PRDM6: variants seen among roughly 807,000 people sequenced by gnomAD.
The protein encoded by PRDM6 is PR/SET domain 6, also known as putative histone-lysine N-methyltransferase PRDM6.
In PRDM6, 25 loss-of-function variants were observed where a neutral mutation model predicts 60.8. The ratio of observed to expected loss-of-function variants is 0.41; its 90% confidence interval spans 0.30 to 0.57. PRDM6 has a LOEUF of 0.57. Ranked by LOEUF, PRDM6 falls within the 20% of genes least tolerant of loss-of-function variation. The pLI is 0.27. For missense variants in PRDM6, 839 were observed against 821.3 expected, an observed-to-expected ratio of 1.02 and a Z score of -0.26; for synonymous variants, 407 against 357.4, an observed-to-expected ratio of 1.14 and a Z score of -1.57.
At chr5:123,119,555 C>T (rs904554989) in intron 3 of PRDM6, among the ~76,000 whole-genome samples, 4 of 152,152 alleles carry the variant, frequency 2.6e-5, no homozygotes, top group African/African-American at 9.7e-5. Context: ...GGCCCTGCCC[C>T]CTCTTGGAAT....
intron 2 of PRDM6, among the ~76,000 whole-genome samples, chr5:123,092,299 C>A (rs1763858735): frequency 6.6e-6 from 1 of 152,166 alleles, no homozygotes; most frequent in African/African-American, 2.4e-5. Flanking sequence ...AAAGGTATGT[C>A]TTACTGCTAA....
chr5:123,115,656 A>G (rs1409785652), intron 3 of PRDM6, among the ~76,000 whole-genome samples: 1 of 152,344 alleles, frequency 6.6e-6, no homozygotes, highest in East Asian at 1.9e-4. Flanking sequence ...TTAAATTCAT[A>G]GATGAAAGCA....
At chr5:123,148,719 T>C (rs994239386) in intron 3 of PRDM6, among the ~76,000 whole-genome samples, 1 of 152,202 alleles carries the variant, frequency 6.6e-6, no homozygotes, top group Non-Finnish European at 1.5e-5. Context: ...TCTCACTAAA[T>C]TGACATTTGT....
intron 7 of PRDM6, among the ~76,000 whole-genome samples, chr5:123,186,571 C>G (rs1269635443): frequency 6.6e-6 from 1 of 152,196 alleles, no homozygotes; most frequent in Admixed American, 6.5e-5. Flanking sequence ...AAAGCAGCGA[C>G]CACGCCTACT....
chr5:123,093,705 T>C (rs1195279817), intron 2 of PRDM6, among the ~76,000 whole-genome samples: 1 of 152,190 alleles, frequency 6.6e-6, no homozygotes, highest in African/African-American at 2.4e-5. Context: ...GCCATTGATT[T>C]AGTCAGGCTC....
chr5:123,096,922 A>T (rs1215524816), intron 2 of PRDM6, among the ~76,000 whole-genome samples: 1 of 152,034 alleles, frequency 6.6e-6, no homozygotes, highest in Non-Finnish European at 1.5e-5. Context: ...GATGTCGTTG[A>T]TGGGATGACA....
At chr5:123,145,501 A>T (rs757222693) in intron 3 of PRDM6, among the ~76,000 whole-genome samples, 8 of 152,164 alleles carry the variant, frequency 5.3e-5, no homozygotes, top group Non-Finnish European at 1.2e-4. Flanking sequence ...TTGGTGCCTC[A>T]TCTCTTGGAT....
intron 2 of PRDM6, among the ~76,000 whole-genome samples, chr5:123,093,643 C>G (rs1390424216): frequency 2.6e-5 from 4 of 152,152 alleles, no homozygotes; most frequent in Admixed American, 1.3e-4. Flanking sequence ...GGATGGGGCC[C>G]TTCCTTCCCC....
intron 4 of PRDM6, among the ~76,000 whole-genome samples, chr5:123,158,449 G>A (rs1023823375): frequency 1.3e-5 from 2 of 152,180 alleles, no homozygotes; most frequent in Non-Finnish European, 2.9e-5. Flanking sequence ...ATTCTGCTTA[G>A]CTAGCAGTGC....
chr5:123,136,063 A>G (rs1030732950), intron 3 of PRDM6, among the ~76,000 whole-genome samples: 5 of 152,136 alleles, frequency 3.3e-5, no homozygotes, highest in Non-Finnish European at 7.3e-5. Flanking sequence ...TGTTGGGCCA[A>G]CTCTCACTGT....
At chr5:123,091,310 C>T (rs1434338586) in intron 2 of PRDM6, among the ~76,000 whole-genome samples, 1 of 152,204 alleles carries the variant, frequency 6.6e-6, no homozygotes, top group African/African-American at 2.4e-5. Flanking sequence ...TTCCGCTGAT[C>T]CCGCTTTATC....
At chr5:123,180,865 C>G (rs1260907254) in intron 7 of PRDM6, among the ~76,000 whole-genome samples, 1 of 152,158 alleles carries the variant, frequency 6.6e-6, no homozygotes, top group East Asian at 1.9e-4. Context: ...ATACTTTGGA[C>G]TTTAGAATTA....
In PRDM6 at chr5:123,099,802, G is replaced by T. The variant is rs1764056491; in HGVS notation, c.741G>T (p.Glu247Asp). Residue 247 changes from glutamate to aspartate, a missense_variant, in exon 3 of 8, where the codon GAG becomes GAT. Physicochemically the swap from Glu to Asp is conservative, Grantham distance 45. This residue lies in a region of PRDM6 where 730 missense variants were observed against 648.8 expected (regional missense o/e 1.13). Transcript: ENST00000407847. This position sits in a 1 kb window ranked among gnomAD's most constrained non-coding sequence, Gnocchi z 4.0. ...LPEWLRDLPR[E>D]VCLCTSTVPG... is the part of the protein sequence containing the mutation. ...AGTGGCTGCGGGACCTGCCTCGCGA[G>T]GTGTGCCTCTGCACCAGTACTGTGC... 1.3e-6 allele frequency: 2 copies of T among 1,549,224 alleles called. No homozygotes were observed. Among genetic ancestry groups the T allele is most frequent in the South Asian group, 1.2e-5 (1 of 83,954 alleles).
intron 5 of PRDM6, among the ~76,000 whole-genome samples, chr5:123,169,355 T>C (rs1765833277): frequency 6.6e-6 from 1 of 152,198 alleles, no homozygotes; most frequent in South Asian, 2.1e-4. Context: ...TATTATTAGA[T>C]TTATCTCCTC....
Position 123,143,147 on chromosome 5 carries a change from A to ATGTGTGTGTG in PRDM6, c.901-12737_901-12736insTGTGTGTGTG, listed in dbSNP as rs1561848858. 3.2e-5 allele frequency among the ~76,000 whole-genome samples: 3 copies of ATGTGTGTGTG among 93,910 alleles called. No homozygotes were observed. In the East Asian group the frequency reaches 8.6e-4, roughly 27 times the overall value. The allele number at this position is 93,910 out of a possible 152,430, so 61.6% of individuals were successfully genotyped here. ...GTATGGGATTTGGCAGTAGTTTTTAAAGTGTGTGTGTGTGTGTGTGTGTGT... is the reference window on the plus strand; with the variant it reads ...GTATGGGATTTGGCAGTAGTTTTTAATGTGTGTGTGAGTGTGTGTGTGTGTGTGTGTGTGT... On this transcript the variant is annotated intron_variant, in intron 3 of 7. Transcript: ENST00000407847.
At chr5:123,147,456 G>C (rs944791601) in intron 3 of PRDM6, among the ~76,000 whole-genome samples, 1 of 152,192 alleles carries the variant, frequency 6.6e-6, no homozygotes, top group African/African-American at 2.4e-5. Context: ...ACGGAGAAGA[G>C]GGAAAAAGAT....
intron 3 of PRDM6, among the ~76,000 whole-genome samples, chr5:123,110,126 A>T (rs1428218590): frequency 6.6e-6 from 1 of 152,228 alleles, no homozygotes; most frequent in Non-Finnish European, 1.5e-5. Context: ...TGACCCTGTG[A>T]AAAGCAAGAA....
At position 123,110,037 on chromosome 5, in the gene PRDM6, AATG is replaced by A. The variant is rs535435174; in HGVS notation, c.900+10077_900+10079del. 5.9e-5 allele frequency among the ~76,000 whole-genome samples: 9 copies of A among 152,278 alleles called. No individual in the cohort carries two copies. In the South Asian group the frequency reaches 1.9e-3, roughly 32 times the overall value. On this transcript the variant is annotated intron_variant, in intron 3 of 7. Transcript: ENST00000407847. Reference sequence around the variant, plus strand: ...TGGCATATTTGGCACTGTCTGTAAAAATGTGTGTGCAGCCATATGTGTACTTGT... The same window carrying A: ...TGGCATATTTGGCACTGTCTGTAAAATGTGTGCAGCCATATGTGTACTTGT...
At chr5:123,109,431 C>T (rs946426870) in intron 3 of PRDM6, among the ~76,000 whole-genome samples, 2 of 152,006 alleles carry the variant, frequency 1.3e-5, no homozygotes, top group African/African-American at 2.4e-5. Context: ...AATTTTGTCT[C>T]TAGTGGACTC....
Sources: allele counts gnomAD v4.1 joint callset (sites outside exome capture counted in the v4.1 genomes callset), GRCh38; gene constraint gnomAD v4.1.1; regional missense constraint gnomAD v4.1.1; non-coding constraint Gnocchi (gnomAD v3.1); transcripts MANE v1.5; gene names NCBI Gene and HGNC (gene_info 2026-07-23, HGNC 2026-07-21).